The following TMTC1 variants were observed in gnomAD, a reference collection of about 807,000 sequenced individuals.
TMTC1 encodes the protein transmembrane O-mannosyltransferase targeting cadherins 1.
A neutral mutation model predicts 104.8 loss-of-function variants in TMTC1; 73 were observed. The observed-to-expected ratio is 0.70, with a 90% CI of 0.58 to 0.85. The LOEUF (loss-of-function observed/expected upper bound fraction) is 0.85, where lower values mean the gene tolerates loss of function less well. Ranked by LOEUF, TMTC1 falls within the 40% of genes least tolerant of loss-of-function variation. The pLI, the probability that TMTC1 is intolerant of heterozygous loss-of-function variation, is 0.00. For synonymous variants in TMTC1, 434 were observed against 428.7 expected, an observed-to-expected ratio of 1.01 and a Z score of -0.15; for missense variants, 1,035 against 1,096.1, an observed-to-expected ratio of 0.94 and a Z score of 0.79.
At chr12:29,657,908 C>T (rs1939833108) in intron 5 of TMTC1, among the ~76,000 whole-genome samples, 1 of 151,998 alleles carries the variant, frequency 6.6e-6, no homozygotes. Context: ...AAGTTTGAGG[C>T]CAGCCTGGCC....
intron 9 of TMTC1, among the ~76,000 whole-genome samples, chr12:29,566,711 G>A (rs1409346456): frequency 2.6e-5 from 4 of 152,278 alleles, no homozygotes; most frequent in South Asian, 2.1e-4. Context: ...TTTACTGAGC[G>A]TGTCATTGCC....
At position 29,735,181 on chromosome 12, in the gene TMTC1, G is replaced by C. The variant is rs541635321; in HGVS notation, c.938+16485C>G. ...AGAGTCCTCTGCATTCTTTAAGTAGGTGCTATCCTTAAACTGATCACTTTT... is the reference window on the plus strand; with the variant it reads ...AGAGTCCTCTGCATTCTTTAAGTAGCTGCTATCCTTAAACTGATCACTTTT... On this transcript the variant is annotated intron_variant, in intron 5 of 17. Coordinates refer to ENST00000539277, the MANE Select transcript of TMTC1 (RefSeq NM_001193451.2). 1.4e-4 allele frequency among the ~76,000 whole-genome samples: 22 copies of C among 152,278 alleles called. No individual in the cohort carries two copies. In the South Asian group the frequency reaches 1.5e-3, roughly 10 times the overall value.
intron 5 of TMTC1, among the ~76,000 whole-genome samples, chr12:29,681,547 A>G (rs1427838278): frequency 6.6e-6 from 1 of 152,228 alleles, no homozygotes; most frequent in Non-Finnish European, 1.5e-5. Flanking sequence ...AATGCACTCA[A>G]GCCTCTAGAT....
intron 5 of TMTC1, among the ~76,000 whole-genome samples, chr12:29,651,142 C>T (rs2033026): frequency 0.29 from 44,255 of 152,080 alleles, 8,061 homozygotes; most frequent in Admixed American, 0.44. Flanking sequence ...GGCTGAAACA[C>T]TTATAAGCTG....
chr12:29,644,564 T>C (rs1200621665), intron 5 of TMTC1, among the ~76,000 whole-genome samples: 1 of 151,996 alleles, frequency 6.6e-6, no homozygotes, highest in African/African-American at 2.4e-5. Context: ...AAACTCAGAA[T>C]AGAACTAAGA....
intron 5 of TMTC1, among the ~76,000 whole-genome samples, chr12:29,654,545 G>A (rs1939666527): frequency 6.6e-6 from 1 of 152,172 alleles, no homozygotes; most frequent in African/African-American, 2.4e-5. Flanking sequence ...TATTCTGGCA[G>A]TTCCTCAAAA....
intron 5 of TMTC1, among the ~76,000 whole-genome samples, chr12:29,682,496 C>A (rs558483168): frequency 2.6e-4 from 39 of 152,130 alleles, no homozygotes; most frequent in East Asian, 2.3e-3. Flanking sequence ...CTAAAAAAAA[C>A]CAAAATGTAC....
At chr12:29,511,770 A>G (rs1943843673) in intron 17 of TMTC1, among the ~76,000 whole-genome samples, 1 of 152,214 alleles carries the variant, frequency 6.6e-6, no homozygotes, top group Non-Finnish European at 1.5e-5. Context: ...GGATACTTCC[A>G]TTAGGTACAT....
chr12:29,628,249 T>G (rs79077390), intron 6 of TMTC1, among the ~76,000 whole-genome samples: 45 of 152,314 alleles, frequency 3.0e-4, no homozygotes. Context: ...GGTGGAGTTT[T>G]TCTGCCCCTA....
chr12:29,722,920 C>CAAAAAAAAA (rs60730102), intron 5 of TMTC1, among the ~76,000 whole-genome samples: 3 of 104,492 alleles, frequency 2.9e-5, no homozygotes, highest in Admixed American at 1.0e-4. Flanking sequence ...GACTCTGTCT[C>CAAAAAAAAA]AAAAAAAAAA....
rs1317323598 is a variant in TMTC1, at chr12:29,505,626, A to C, written c.*1220T>G. 6.6e-6 allele frequency: 1 copy of C among 152,110 alleles called. No individual in the cohort carries two copies. The highest frequency in any genetic ancestry group is 1.5e-5 in the Non-Finnish European group (1 of 68,006). The allele number at this position is 152,110 out of a possible 1,614,324, so 9.4% of individuals were successfully genotyped here. On this transcript the variant is annotated 3_prime_UTR_variant, in exon 18 of 18. Transcript: ENST00000539277. ...TATATTAAATATTTTATAAGTTATG[A>C]AATAAATAACACTAAAAATAAATGT... is the stretch of plus-strand genomic sequence containing the variant.
chr12:29,515,200 C>T lies in TMTC1; in HGVS notation c.2308-596G>A, dbSNP rs117532333. ...AACAAGATTTGGCATCAGACGTTTTCCCTGACCATGTGTTCATCTGGACCA... is the reference window on the plus strand; with the variant it reads ...AACAAGATTTGGCATCAGACGTTTTTCCTGACCATGTGTTCATCTGGACCA... On this transcript the variant is annotated intron_variant, in intron 15 of 17. Coordinates refer to ENST00000539277, the MANE Select transcript of TMTC1 (RefSeq NM_001193451.2). 1.2e-3 allele frequency among the ~76,000 whole-genome samples: 179 copies of T among 152,178 alleles called. 1 individual carries two copies. The highest frequency in any genetic ancestry group is 6.8e-3 in the Middle Eastern group (2 of 294).
At chr12:29,597,999 C>A (rs188764516) in intron 7 of TMTC1, among the ~76,000 whole-genome samples, 1 of 152,178 alleles carries the variant, frequency 6.6e-6, no homozygotes, top group Non-Finnish European at 1.5e-5. Context: ...AGTTTATCTC[C>A]AAACCAGTGA....
At chr12:29,673,853 A>G (rs2003607) in intron 5 of TMTC1, among the ~76,000 whole-genome samples, 82,584 of 146,876 alleles carry the variant, frequency 0.56, 23,188 homozygotes, top group African/African-American at 0.65. Context: ...TCTGCCTCCC[A>G]GGTTCAAGCG....
At chr12:29,703,130 C>A (rs142207932) in intron 5 of TMTC1, among the ~76,000 whole-genome samples, 7 of 143,334 alleles carry the variant, frequency 4.9e-5, no homozygotes, top group Non-Finnish European at 9.0e-5. Flanking sequence ...GGTGACAGAG[C>A]GAGACTCAGT....
At chr12:29,524,427 C>A (rs1180195317) in intron 11 of TMTC1, among the ~76,000 whole-genome samples, 3 of 151,908 alleles carry the variant, frequency 2.0e-5, no homozygotes, top group African/African-American at 7.3e-5. Context: ...AGATTTTTTT[C>A]TGTTTATCCA....
At chr12:29,709,944 T>C (rs1440713402) in intron 5 of TMTC1, among the ~76,000 whole-genome samples, 6 of 152,096 alleles carry the variant, frequency 3.9e-5, no homozygotes, top group Non-Finnish European at 7.3e-5. Context: ...AGTCTCACCA[T>C]CATTTGAGAG....
At chr12:29,614,689 T>C (rs563837753) in intron 6 of TMTC1, among the ~76,000 whole-genome samples, 3 of 152,330 alleles carry the variant, frequency 2.0e-5, no homozygotes, top group African/African-American at 7.2e-5. Flanking sequence ...ATCTCAAGTG[T>C]ATATAAAAGA....
At chr12:29,689,767 G>A (rs1404577894) in intron 5 of TMTC1, among the ~76,000 whole-genome samples, 5 of 152,184 alleles carry the variant, frequency 3.3e-5, no homozygotes, top group Non-Finnish European at 2.9e-5. Context: ...GCTCCCTTCT[G>A]TTTGTGTACC....
Sources: allele counts gnomAD v4.1 joint callset (sites outside exome capture counted in the v4.1 genomes callset), GRCh38; gene constraint gnomAD v4.1.1; transcripts MANE v1.5; gene names NCBI Gene and HGNC (gene_info 2026-07-23, HGNC 2026-07-21).